MICAL3: variants seen among roughly 807,000 people sequenced by gnomAD.
MICAL3 encodes microtubule associated monooxygenase, calponin and LIM domain containing 3, also known as [F-actin]-monooxygenase MICAL3.
A neutral mutation model predicts 207.4 loss-of-function variants in MICAL3; 62 were observed. That is an observed-to-expected ratio of 0.30 (90% CI 0.24 to 0.37). MICAL3 has a LOEUF of 0.37. Ranked by LOEUF, MICAL3 falls within the 10% of genes least tolerant of loss-of-function variation. MICAL3 has a pLI of 1.00. For missense variants in MICAL3, 2,368 were observed against 2,635.6 expected (o/e 0.90, Z 2.22); for synonymous variants, 1,077 against 1,069.3 (o/e 1.01, Z -0.14).
intron 1 of MICAL3, chr22:18,006,379 G>C (rs943487645): frequency 8.5e-5 from 13 of 152,262 alleles, no homozygotes; most frequent in Admixed American, 5.9e-4. Flanking sequence ...ACTAGGTTGA[G>C]AAATGGCCCT....
intron 1 of MICAL3, among the ~76,000 whole-genome samples, chr22:17,912,731 G>A (rs1040366312): frequency 1.3e-5 from 2 of 152,170 alleles, no homozygotes; most frequent in African/African-American, 4.8e-5. Flanking sequence ...TTTTCTGGTG[G>A]AATCTGTAGG....
intron 1 of MICAL3, among the ~76,000 whole-genome samples, chr22:17,960,147 C>T (rs1445636122): frequency 6.6e-6 from 1 of 152,222 alleles, no homozygotes; most frequent in Non-Finnish European, 1.5e-5. Context: ...GCTGTGGCTC[C>T]CTGCCCCAGC....
chr22:18,015,422 C>CTTTTTTTTTTT (rs34098867), intron 1 of MICAL3, among the ~76,000 whole-genome samples: 1 of 105,612 alleles, frequency 9.5e-6, no homozygotes. Context: ...TAAGACTCAT[C>CTTTTTTTTTTT]TTTTTTTTTT....
chr22:17,976,583 A>ATTTT (rs1214780677), intron 1 of MICAL3, among the ~76,000 whole-genome samples: 5 of 87,674 alleles, frequency 5.7e-5, no homozygotes, highest in African/African-American at 2.8e-4. Context: ...ATATATATAT[A>ATTTT]TATATATTTT....
intron 1 of MICAL3, among the ~76,000 whole-genome samples, chr22:17,924,551 G>A (rs1932871929): frequency 3.3e-5 from 5 of 152,138 alleles, no homozygotes; most frequent in Admixed American, 3.3e-4. Flanking sequence ...ACTCAATGGA[G>A]CATTTCTGAT....
At position 17,949,830 on chromosome 22, in the gene MICAL3, T is replaced by A. The variant is rs569541023; in HGVS notation, c.-74-42944A>T. 9.5e-4 allele frequency among the ~76,000 whole-genome samples: 144 copies of A among 152,332 alleles called. 1 individual carries two copies. In the Middle Eastern group the frequency reaches 0.014, roughly 14 times the overall value. On this transcript the variant is annotated intron_variant, in intron 1 of 31. Transcript: ENST00000441493. Reference sequence around the variant, plus strand: ...CAACACACGATGCAGGGGCAGATACTCCCTGTGTGCACACAAAGCAACTGG... The same window carrying A: ...CAACACACGATGCAGGGGCAGATACACCCTGTGTGCACACAAAGCAACTGG...
intron 1 of MICAL3, among the ~76,000 whole-genome samples, chr22:17,929,724 C>A (rs181833501): frequency 1.3e-4 from 20 of 152,052 alleles, no homozygotes; most frequent in African/African-American, 4.6e-4. Flanking sequence ...CCCGCCACCA[C>A]GCCTGGCTAA....
At chr22:17,872,983 C>A in intron 16 of MICAL3, 1 of 672,924 alleles carries the variant, frequency 1.5e-6, no homozygotes. Context: ...GGTGCAGCAG[C>A]AAACCATGCC....
chr22:17,883,542 C>T (rs537801654), intron 16 of MICAL3, among the ~76,000 whole-genome samples: 113 of 152,294 alleles, frequency 7.4e-4, no homozygotes, highest in South Asian at 1.7e-3. Flanking sequence ...TATCGGACAA[C>T]GAGGTAGCCA....
In MICAL3 at chr22:17,876,030, C is replaced by T. The variant is rs114526723; in HGVS notation, c.2242-4007G>A. Among the ~76,000 whole-genome samples, 1,397 of 152,312 alleles carry T rather than the reference C, an allele frequency of 9.2e-3. 19 individuals are homozygous for T. The highest frequency in any genetic ancestry group is 0.031 in the African/African-American group (1,286 of 41,558). On this transcript the variant is annotated intron_variant, in intron 16 of 31. Transcript: ENST00000441493. ...GAGACAGCAAATCTAGAGTGAAGCT[C>T]GCTCCTTCTACAGAAGGGCCAGGAA...
chr22:17,876,849 G>A (rs1191342664), intron 16 of MICAL3: 7 of 140,744 alleles, frequency 5.0e-5, no homozygotes, highest in African/African-American at 1.4e-4. Context: ...GGAGGTTAGG[G>A]AGGTTATGGA....
At chr22:17,848,023 G>A (rs923654668) in intron 19 of MICAL3, among the ~76,000 whole-genome samples, 3 of 152,012 alleles carry the variant, frequency 2.0e-5, no homozygotes, top group Non-Finnish European at 4.4e-5. Flanking sequence ...TCCCTGCCCC[G>A]ATCTTCTTGA....
chr22:17,997,420 G>C (rs1337497839), intron 1 of MICAL3, among the ~76,000 whole-genome samples: 1 of 152,126 alleles, frequency 6.6e-6, no homozygotes, highest in African/African-American at 2.4e-5. Context: ...TCTCAGCTCT[G>C]ATTATTTTTT....
At chr22:17,801,093 G>T (rs1427828414) in intron 29 of MICAL3, among the ~76,000 whole-genome samples, 1 of 152,032 alleles carries the variant, frequency 6.6e-6, no homozygotes, top group Non-Finnish European at 1.5e-5. Flanking sequence ...AAAGGGTTAT[G>T]AGTGTCAGTG....
rs201461651 is a variant in MICAL3 at position 17,827,749 on chromosome 22, C to T, written c.3088G>A (p.Ala1030Thr). The change falls in exon 22 of 32, where the codon GCG (alanine) becomes ACG (threonine). Residue 1030 changes from alanine to threonine, a missense_variant. Physicochemically the swap from Ala to Thr is moderately conservative, Grantham distance 58. Around this residue, in one of 4 missense-constraint regions of MICAL3, gnomAD observed 1,770 missense variants for 1,863.2 expected, o/e 0.95. Coordinates refer to ENST00000441493, the MANE Select transcript of MICAL3 (RefSeq NM_015241.3). Reference sequence around the variant, plus strand: ...GCCTGGATCTCCAGAGGATCCGCCGCGTGCATGACCTGCTGGAGCCTCTGG... The same window carrying T: ...GCCTGGATCTCCAGAGGATCCGCCGTGTGCATGACCTGCTGGAGCCTCTGG... ...GNQRLQQVMH[A>T]ADPLEIQADV... The T allele has an allele frequency of 1.4e-4, 223 of 1,557,048 alleles. No homozygotes were observed. The African/African-American group carries it at 1.9e-3, about 13-fold the overall frequency.
At chr22:17,838,133 G>A (rs1923598695) in intron 20 of MICAL3, among the ~76,000 whole-genome samples, 2 of 152,164 alleles carry the variant, frequency 1.3e-5, no homozygotes, top group African/African-American at 4.8e-5. Flanking sequence ...AAGCATCCCA[G>A]GTGATGTTTA....
At chr22:17,987,670 A>G (rs1921186609) in intron 1 of MICAL3, among the ~76,000 whole-genome samples, 1 of 152,226 alleles carries the variant, frequency 6.6e-6, no homozygotes, top group African/African-American at 2.4e-5. Flanking sequence ...TCAAAGACAG[A>G]AACAGCACTG....
chr22:17,889,374 T>A, intron 12 of MICAL3, 144 bp from the exon 13 acceptor site: 1 of 540,622 alleles, frequency 1.8e-6, no homozygotes, highest in East Asian at 3.1e-5. Context: ...AGCAAACCTG[T>A]CTTATCTCAC....
chr22:17,945,610 G>A (rs1040045239), intron 1 of MICAL3, among the ~76,000 whole-genome samples: 6 of 152,122 alleles, frequency 3.9e-5, no homozygotes, highest in African/African-American at 1.2e-4. Flanking sequence ...GGGGTAACAC[G>A]CGCCCTACTG....
Sources: gnomAD v4.1 joint callset for allele counts (sites outside exome capture counted in the v4.1 genomes callset) on GRCh38, gnomAD v4.1.1 for gene constraint, gnomAD v4.1.1 regional missense constraint, MANE v1.5 for transcripts, NCBI Gene and HGNC (gene_info 2026-07-23, HGNC 2026-07-21) for gene names.